TRAF1: variants seen among roughly 807,000 people sequenced by gnomAD.
TRAF1 encodes TNF receptor associated factor 1, also known as TNF receptor-associated factor 1.
In TRAF1, 23 loss-of-function variants were observed where a neutral mutation model predicts 40.9. The observed-to-expected ratio is 0.56, with a 90% confidence interval of 0.40 to 0.80. The LOEUF is 0.80. TRAF1 is among the 30% of genes least tolerant of loss of function. The pLI is 0.00. For synonymous variants in TRAF1, 206 were observed against 218.8 expected, an observed-to-expected ratio of 0.94 and a Z score of 0.52; for missense variants, 477 against 528.7, an observed-to-expected ratio of 0.90 and a Z score of 0.96.
intron 2 of TRAF1, 78 bp from the exon 3 acceptor site, chr9:120,923,870 G>T: frequency 7.7e-7 from 1 of 1,294,872 alleles, no homozygotes; most frequent in Non-Finnish European, 1.1e-6. Flanking sequence ...AGCTCCAGAA[G>T]CCTCAACTAT....
chr9:120,917,824 C>A (rs1281578313), intron 3 of TRAF1, among the ~76,000 whole-genome samples: 1 of 152,064 alleles, frequency 6.6e-6, no homozygotes, highest in Admixed American at 6.6e-5. Flanking sequence ...TCTCAGAATC[C>A]TTCATTTAAT....
chr9:120,904,516 C>T lies in TRAF1; in HGVS notation c.*504G>A, dbSNP rs186796164. 2.2e-3 allele frequency: 339 copies of T among 156,318 alleles called. 2 individuals carry two copies. Among genetic ancestry groups the T allele is most frequent in the Non-Finnish European group, 3.5e-3 (246 of 70,498 alleles). 9.7% of individuals were successfully genotyped at this position (156,318 alleles called of 1,614,324 possible). A position where few individuals can be genotyped will look rare whatever the true frequency, so the allele number is the denominator to read the frequency against. ...GTGGAGCCGTCTGGGTTTGCTTGTT[C>T]ACCTCCAATGACGAGCCTGGACAGA... On this transcript the variant is annotated 3_prime_UTR_variant, in exon 8 of 8. Transcript: ENST00000373887.
At chr9:120,905,810 C>G (rs1333825005) in intron 7 of TRAF1, among the ~76,000 whole-genome samples, 1 of 152,224 alleles carries the variant, frequency 6.6e-6, no homozygotes, top group Admixed American at 6.5e-5. Context: ...AAACCCTCTT[C>G]CCTGGCACAT....
intron 6 of TRAF1, among the ~76,000 whole-genome samples, chr9:120,911,114 C>T (rs2046522767): frequency 6.6e-6 from 1 of 152,266 alleles, no homozygotes; most frequent in African/African-American, 2.4e-5. Flanking sequence ...TCAGCTGGGG[C>T]CACCGCTATG....
rs201073899 is a variant in TRAF1, at chr9:120,909,284, G to A, written c.978C>T (p.Ile326=). 5.0e-6 allele frequency: 8 copies of A among 1,614,152 alleles called. No homozygotes were observed. Among genetic ancestry groups the A allele is most frequent in the African/African-American group, 1.3e-5 (1 of 75,042 alleles). Residue 326 remains isoleucine, a synonymous_variant, in exon 7 of 8, where the codon ATC becomes ATT. Coordinates refer to ENST00000373887, the MANE Select transcript of TRAF1 (RefSeq NM_005658.5). ...TGKRTHLSLF[I]VIMRGEYDAL... is the part of the protein sequence containing the mutation. Reference sequence around the variant, plus strand: ...CATCATACTCCCCTCTCATGATCACGATGAAGAGCGACAGATGGGTTCTCT... The same window carrying A: ...CATCATACTCCCCTCTCATGATCACAATGAAGAGCGACAGATGGGTTCTCT...
Position 120,909,393 on chromosome 9 carries a change from C to G in TRAF1, c.884-15G>C. ...AGTGTAGAAGGCTGAAACGCAGAAG[C>G]CAGAGGCAGTTGGGAAGTGCTGGAC... On this transcript the variant is annotated splice_polypyrimidine_tract_variant and intron_variant, in intron 6 of 7. Coordinates refer to ENST00000373887, the MANE Select transcript of TRAF1 (RefSeq NM_005658.5). 2 of 1,611,764 alleles carry G rather than the reference C, an allele frequency of 1.2e-6. No homozygotes were observed. The highest frequency in any genetic ancestry group is 1.7e-6 in the Non-Finnish European group (2 of 1,179,672).
chr9:120,907,023 A>C (rs1335213990), intron 7 of TRAF1, among the ~76,000 whole-genome samples: 2 of 152,052 alleles, frequency 1.3e-5, no homozygotes. Flanking sequence ...CACACATCAC[A>C]ATGCCCAGCT....
In TRAF1 at chr9:120,903,094, A is replaced by AC. The variant is rs2046451421; in HGVS notation, c.*1925_*1926insG. On this transcript the variant is annotated 3_prime_UTR_variant, in exon 8 of 8. Coordinates refer to ENST00000373887, the MANE Select transcript of TRAF1 (RefSeq NM_005658.5). ...TGCTAGGACATCAGTTTCAGGGCCTAGACCCATCACTCGCTAGGCCAGACC... is the reference window on the plus strand; with the variant it reads ...TGCTAGGACATCAGTTTCAGGGCCTACGACCCATCACTCGCTAGGCCAGACC... The AC allele has an allele frequency of 6.6e-6, 1 of 152,234 alleles. No individual in the cohort carries two copies. The highest frequency in any genetic ancestry group is 2.4e-5 in the African/African-American group (1 of 41,466). The allele number at this position is 152,234 out of a possible 1,614,324, so 9.4% of individuals were successfully genotyped here.
chr9:120,905,236 G>A lies in TRAF1; in HGVS notation c.1035C>T (p.Val345=). 1 of 1,606,024 alleles carries A rather than the reference G, an allele frequency of 6.2e-7. No homozygotes were observed. Among genetic ancestry groups the A allele is most frequent in the Non-Finnish European group, 8.5e-7 (1 of 1,176,146 alleles). ...TGTTCTGGTCCAGCAGCATGAAGGT[G>A]ACCTGCAGGGAAGGGATAGGTGGGA... ...ALLPWPFRNK[V]TFMLLDQNNR... Residue 345 remains valine (V), a splice_region_variant and synonymous_variant, in exon 8 of 8, where the codon GTC becomes GTT. Coordinates refer to ENST00000373887, the MANE Select transcript of TRAF1 (RefSeq NM_005658.5).
chr9:120,928,094 T>C (rs192602346), upstream of TRAF1: 1 of 152,358 alleles, frequency 6.6e-6, no homozygotes, highest in Non-Finnish European at 1.5e-5. Context: ...CATCATCTCA[T>C]CTAATTTTCA....
intron 7 of TRAF1, 69 bp from the exon 8 acceptor site, chr9:120,905,307 G>A (rs1386399474): frequency 2.0e-5 from 29 of 1,476,220 alleles, no homozygotes; most frequent in Non-Finnish European, 2.4e-5. Context: ...CCAGGCTTGG[G>A]CTCAGAGCTG....
rs1178523172 is a variant in TRAF1, at chr9:120,911,495, T to A, written c.724A>T (p.Thr242Ser). The change falls in exon 6 of 8, where the codon ACC becomes TCC. Residue 242 changes from threonine to serine, a missense_variant. Physicochemically the swap from Thr to Ser is moderately conservative, Grantham distance 58. Transcript: ENST00000373887. ...AGGGCCTGGTCTTTCTGGGCCAGGG[T>A]CTGCTGAAGCTCCACCACCTGTAGG... ...LEQRVVELQQTLAQKDQALGK... is the reference protein window; with the variant it reads ...LEQRVVELQQSLAQKDQALGK... 1 of 1,612,118 alleles carries A rather than the reference T, an allele frequency of 6.2e-7. No homozygotes were observed. The highest frequency in any genetic ancestry group is 1.3e-5 in the African/African-American group (1 of 74,894).
At chr9:120,919,392 T>G (rs2046590304) in intron 3 of TRAF1, among the ~76,000 whole-genome samples, 1 of 152,094 alleles carries the variant, frequency 6.6e-6, no homozygotes, top group Non-Finnish European at 1.5e-5. Flanking sequence ...GGGGTCACAG[T>G]GGGCCCTAGC....
chr9:120,908,799 A>C (rs994209473), intron 7 of TRAF1, among the ~76,000 whole-genome samples: 1 of 152,094 alleles, frequency 6.6e-6, no homozygotes, highest in East Asian at 1.9e-4. Flanking sequence ...GTCTCAAGTG[A>C]TCCGCCCGCC....
intron 3 of TRAF1, among the ~76,000 whole-genome samples, chr9:120,918,274 G>A (rs979472980): frequency 2.6e-5 from 4 of 152,058 alleles, no homozygotes; most frequent in Non-Finnish European, 5.9e-5. Flanking sequence ...GACATCTTTG[G>A]AGGACATTAT....
rs2046467523 is a variant in TRAF1, at chr9:120,904,922, T to C, written c.*98A>G. The C allele has an allele frequency of 4.0e-6, 5 of 1,251,652 alleles. No homozygotes were observed. Among genetic ancestry groups the C allele is most frequent in the Non-Finnish European group, 5.6e-6 (5 of 894,604 alleles). 77.5% of individuals were successfully genotyped at this position (1,251,652 alleles called of 1,614,324 possible). On this transcript the variant is annotated 3_prime_UTR_variant, in exon 8 of 8. Transcript: ENST00000373887. ...CTTGGATCATGCCAGCCTTCACCCA[T>C]CTTTGTGCCCTGAGGTCTTGGGTGC... is the stretch of plus-strand genomic sequence containing the variant.
intron 3 of TRAF1, among the ~76,000 whole-genome samples, chr9:120,920,670 A>ATTT (rs1461055527): frequency 6.6e-6 from 1 of 152,218 alleles, no homozygotes; most frequent in Non-Finnish European, 1.5e-5. Context: ...CTAGGTCAAC[A>ATTT]TTAATCCTCT....
intron 6 of TRAF1, among the ~76,000 whole-genome samples, chr9:120,910,318 C>T (rs1449956380): frequency 1.3e-5 from 2 of 152,170 alleles, no homozygotes; most frequent in African/African-American, 2.4e-5. Flanking sequence ...AGAGAGCTGT[C>T]CCAACACAGT....
At chr9:120,920,274 T>C (rs532742573) in intron 3 of TRAF1, among the ~76,000 whole-genome samples, 2 of 152,222 alleles carry the variant, frequency 1.3e-5, no homozygotes, top group South Asian at 4.1e-4. Flanking sequence ...TTCAGCTCAG[T>C]ACAAAGAAAG....
Sources: gnomAD v4.1 joint callset for allele counts (sites outside exome capture counted in the v4.1 genomes callset) on GRCh38, gnomAD v4.1.1 for gene constraint, MANE v1.5 for transcripts, NCBI Gene and HGNC (gene_info 2026-07-23, HGNC 2026-07-21) for gene names.